The following PTCHD4 variants were observed in gnomAD, a reference collection of about 807,000 sequenced individuals.
The protein encoded by PTCHD4 is patched domain-containing protein 4.
In PTCHD4, 33 loss-of-function variants were observed where a neutral mutation model predicts 58.1. That is an observed-to-expected ratio of 0.57 (90% CI 0.43 to 0.76). PTCHD4 has a LOEUF of 0.76. Ranked by LOEUF, PTCHD4 falls within the 30% of genes least tolerant of loss-of-function variation. PTCHD4 has a pLI of 0.00. For missense variants in PTCHD4, 1,058 were observed against 1,027.1 expected (o/e 1.03, Z -0.41); for synonymous variants, 478 against 409.6 (o/e 1.17, Z -2.02).
At chr6:48,097,854 T>G (rs1258857682) in intron 1 of PTCHD4, among the ~76,000 whole-genome samples, 4 of 152,190 alleles carry the variant, frequency 2.6e-5, no homozygotes, top group African/African-American at 9.7e-5. Context: ...CTCACCTTTC[T>G]GAATATATGT....
intron 4 of PTCHD4, among the ~76,000 whole-genome samples, chr6:47,913,050 T>A (rs1765119980): frequency 1.3e-5 from 2 of 152,146 alleles, no homozygotes; most frequent in African/African-American, 4.8e-5. Flanking sequence ...TATCCCCAAT[T>A]TTACAGTTTG....
At chr6:48,059,318 G>T (rs977167973) in intron 3 of PTCHD4, among the ~76,000 whole-genome samples, 1 of 152,154 alleles carries the variant, frequency 6.6e-6, no homozygotes, top group Non-Finnish European at 1.5e-5. Flanking sequence ...TGTAAGGTAA[G>T]GGCTATTATG....
At chr6:47,917,227 CTA>C (rs992444599) in intron 4 of PTCHD4, among the ~76,000 whole-genome samples, 1 of 151,878 alleles carries the variant, frequency 6.6e-6, no homozygotes, top group Non-Finnish European at 1.5e-5. Context: ...AAAACGACTA[CTA>C]TGTTTTAAAA....
chr6:47,981,955 G>C (rs1301446856), intron 4 of PTCHD4, among the ~76,000 whole-genome samples: 1 of 148,510 alleles, frequency 6.7e-6, no homozygotes, highest in African/African-American at 2.4e-5. Context: ...AGTAGATAAG[G>C]CTCTCTTGGG....
intron 4 of PTCHD4, among the ~76,000 whole-genome samples, chr6:47,933,247 G>C (rs982366866): frequency 3.3e-5 from 5 of 152,216 alleles, no homozygotes; most frequent in African/African-American, 9.6e-5. Context: ...TTCCCCTACT[G>C]TGAGCTCCAT....
At chr6:47,954,084 C>CGGT (rs1766758230) in intron 4 of PTCHD4, among the ~76,000 whole-genome samples, 2 of 152,026 alleles carry the variant, frequency 1.3e-5, no homozygotes, top group Admixed American at 1.3e-4. Context: ...TAGGTCAGTG[C>CGGT]GGTGGCTCAC....
intron 4 of PTCHD4, among the ~76,000 whole-genome samples, chr6:47,991,727 T>C (rs185979287): frequency 3.9e-5 from 6 of 152,136 alleles, no homozygotes; most frequent in African/African-American, 1.4e-4. Flanking sequence ...ATTTATTATA[T>C]ATAAAAGGAA....
chr6:48,085,217 C>G (rs1410588502), intron 1 of PTCHD4, among the ~76,000 whole-genome samples: 1 of 152,046 alleles, frequency 6.6e-6, no homozygotes. Context: ...ACATGCATAG[C>G]AAGGGGTTTA....
chr6:48,069,968 G>A (rs541228298), intron 1 of PTCHD4, among the ~76,000 whole-genome samples, 42 bp from the exon 2 acceptor site: 3 of 151,940 alleles, frequency 2.0e-5, no homozygotes, highest in South Asian at 4.2e-4. Flanking sequence ...GAAACCTATT[G>A]GAGTCACTTG....
At chr6:48,029,312 A>T (rs182504397) in intron 3 of PTCHD4, among the ~76,000 whole-genome samples, 5 of 152,118 alleles carry the variant, frequency 3.3e-5, no homozygotes, top group African/African-American at 9.6e-5. Context: ...AAAAACTCTG[A>T]CATATACAGT....
rs549525364 is a variant in PTCHD4 at position 47,866,008 on chromosome 6, G to A, written c.*12295C>T. ...GCTCAGTCTGGTCCCGTCACATGGG[G>A]TGCTCAGGCCAATAATCTTACCTCA... On this transcript the variant is annotated 3_prime_UTR_variant, in exon 5 of 5. Coordinates refer to ENST00000339488, the MANE Select transcript of PTCHD4 (RefSeq NM_001384253.1). Among the ~76,000 whole-genome samples the A allele has an allele frequency of 1.3e-3, 179 of 141,082 alleles. No homozygotes were observed. Among genetic ancestry groups the A allele is most frequent in the African/African-American group, 4.4e-3 (175 of 39,796 alleles). The allele number at this position is 141,082 out of a possible 152,430, so 92.6% of individuals were successfully genotyped here.
chr6:47,893,754 T>C (rs139684612), intron 4 of PTCHD4, among the ~76,000 whole-genome samples: 1 of 152,374 alleles, frequency 6.6e-6, no homozygotes, highest in Non-Finnish European at 1.5e-5. Flanking sequence ...TATTATATAG[T>C]TGTAGCAGCA....
intron 4 of PTCHD4, among the ~76,000 whole-genome samples, chr6:47,992,000 G>A (rs894818904): frequency 1.3e-5 from 2 of 151,822 alleles, no homozygotes; most frequent in Admixed American, 6.6e-5. Context: ...GGAACTAAAG[G>A]GACTAAATTT....
intron 3 of PTCHD4, among the ~76,000 whole-genome samples, chr6:48,037,294 C>T (rs1284728158): frequency 6.6e-6 from 1 of 152,084 alleles, no homozygotes; most frequent in East Asian, 1.9e-4. Flanking sequence ...ATAAACTAAA[C>T]TTTATCATAG....
chr6:47,997,225 C>T (rs564160793), intron 4 of PTCHD4, among the ~76,000 whole-genome samples: 3 of 152,216 alleles, frequency 2.0e-5, no homozygotes, highest in African/African-American at 7.2e-5. Flanking sequence ...ATGAAGTGAG[C>T]CAGTTAACCT....
rs1006129557 is a variant in PTCHD4 at position 47,863,746 on chromosome 6, C to T, written c.*14557G>A. Among the ~76,000 whole-genome samples the T allele has an allele frequency of 1.3e-5, 2 of 151,946 alleles. No individual in the cohort carries two copies. The highest frequency in any genetic ancestry group is 4.8e-5 in the African/African-American group (2 of 41,408). On this transcript the variant is annotated 3_prime_UTR_variant, in exon 5 of 5. Coordinates refer to ENST00000339488, the MANE Select transcript of PTCHD4 (RefSeq NM_001384253.1). ...TAACAGGACTTCTCTGAAAATGACA[C>T]ATTCTTTTATACTCTACGCCTTGGT...
intron 4 of PTCHD4, chr6:47,901,599 G>A (rs1362771956): frequency 9.4e-7 from 1 of 1,058,830 alleles, no homozygotes; most frequent in Non-Finnish European, 1.1e-6. Flanking sequence ...TTTCCCATGA[G>A]AGGAGTCAGG....
At chr6:48,003,338 C>T (rs915984748) in intron 4 of PTCHD4, among the ~76,000 whole-genome samples, 14 of 152,114 alleles carry the variant, frequency 9.2e-5, no homozygotes, top group African/African-American at 3.4e-4. Flanking sequence ...ACAGTGAATT[C>T]CTCTCATGAC....
intron 4 of PTCHD4, among the ~76,000 whole-genome samples, chr6:47,936,642 C>T (rs1419110366): frequency 2.6e-5 from 4 of 152,110 alleles, no homozygotes; most frequent in Admixed American, 1.3e-4. Context: ...CCCATTTGTC[C>T]CTTTACTTAG....
Sources: gnomAD v4.1 joint callset for allele counts (sites outside exome capture counted in the v4.1 genomes callset) on GRCh38, gnomAD v4.1.1 for gene constraint, MANE v1.5 for transcripts, NCBI Gene and HGNC (gene_info 2026-07-23, HGNC 2026-07-21) for gene names.